Variants in ZUP1 observed in about 807,000 individuals in gnomAD.
ZUP1 encodes zinc finger-containing ubiquitin peptidase 1.
In ZUP1, 55 loss-of-function variants were observed where a neutral mutation model predicts 68.1. That is an observed-to-expected ratio of 0.81 (90% CI 0.65 to 1.01). ZUP1 has a LOEUF of 1.01. ZUP1 is among the 50% of genes least tolerant of loss of function. The pLI, the probability that ZUP1 is intolerant of heterozygous loss-of-function variation, is 0.00. For missense variants in ZUP1, 684 were observed against 674.9 expected (o/e 1.01, Z -0.15); for synonymous variants, 223 against 221.5 (o/e 1.01, Z -0.06).
chr6:116,658,002 A>C, intron 4 of ZUP1, among the ~76,000 whole-genome samples: 1 of 152,224 alleles, frequency 6.6e-6, no homozygotes. Context: ...CTGAGGCAGG[A>C]GAATCACTTG....
At chr6:116,647,376 AC>A (rs1210173431) in intron 8 of ZUP1, 82 bp downstream of exon 8, 54 of 1,252,958 alleles carry the variant, frequency 4.3e-5, no homozygotes, top group African/African-American at 9.1e-5. Flanking sequence ...AAACAAACAA[AC>A]AAAAAACCTT....
At position 116,656,984 on chromosome 6, in the gene ZUP1, A is replaced by G. The variant is rs928611066; in HGVS notation, c.793-132T>C. On this transcript the variant is annotated intron_variant, in intron 4 of 9. Coordinates refer to ENST00000368576, the MANE Select transcript of ZUP1 (RefSeq NM_145062.3). ...ATAGACTTTATACAAGTTAACTTAAAGATTTTTACAAAAACTAATAACACA... is the reference window on the plus strand; with the variant it reads ...ATAGACTTTATACAAGTTAACTTAAGGATTTTTACAAAAACTAATAACACA... 3 of 560,788 alleles carry G rather than the reference A, an allele frequency of 5.3e-6. No individual in the cohort carries two copies. In the African/African-American group the frequency reaches 6.1e-5, roughly 11 times the overall value. The allele number at this position is 560,788 out of a possible 1,614,324, so 34.7% of individuals were successfully genotyped here.
rs756643819 is a variant in ZUP1, at chr6:116,651,652, T to C, written c.1236A>G (p.Gln412=). 6.2e-7 allele frequency: 1 copy of C among 1,613,908 alleles called. No homozygotes were observed. Among genetic ancestry groups the C allele is most frequent in the Admixed American group, 1.7e-5 (1 of 60,012 alleles). ...KEGFDPQGAS[Q]LNNRLQGTKA... ...TTGTTCCCTGTAACCTGTTATTAAG[T>C]TGAGAGGCCCCCTGAGGATCAAAAC... The change falls in exon 7 of 10, where the codon CAA becomes CAG. Residue 412 remains glutamine, a synonymous_variant. Transcript: ENST00000368576.
chr6:116,652,216 A>G, intron 5 of ZUP1, 24 bp from the exon 6 acceptor site: 4 of 1,588,588 alleles, frequency 2.5e-6, no homozygotes, highest in Non-Finnish European at 3.4e-6. Flanking sequence ...GAGATTCAGA[A>G]GCAGTCATTA....
chr6:116,653,510 CA>C (rs1776575245), intron 5 of ZUP1, among the ~76,000 whole-genome samples: 1 of 151,804 alleles, frequency 6.6e-6, no homozygotes, highest in Non-Finnish European at 1.5e-5. Context: ...TTAAATGAAC[CA>C]ATAGTTGTAG....
At chr6:116,657,022 C>T (rs1026969740) in intron 4 of ZUP1, among the ~76,000 whole-genome samples, 170 bp from the exon 5 acceptor site, 1 of 90,184 alleles carries the variant, frequency 1.1e-5, no homozygotes, top group Non-Finnish European at 2.6e-5. Flanking sequence ...CACACACACA[C>T]ACAAAAAAAA....
chr6:116,649,742 T>C (rs1776422161), intron 7 of ZUP1, among the ~76,000 whole-genome samples: 1 of 152,182 alleles, frequency 6.6e-6, no homozygotes, highest in Non-Finnish European at 1.5e-5. Flanking sequence ...CCTTCCGCCT[T>C]CCACCTAAGA....
In ZUP1 at chr6:116,666,690, T is replaced by G; in HGVS notation, c.503A>C (p.Asp168Ala). 1 of 1,608,972 alleles carries G rather than the reference T, an allele frequency of 6.2e-7. No homozygotes were observed. Among genetic ancestry groups the G allele is most frequent in the Non-Finnish European group, 8.5e-7 (1 of 1,178,654 alleles). Residue 168 changes from aspartate to alanine, a missense_variant, in exon 2 of 10, where the codon GAT (aspartate) becomes GCT (alanine). Physicochemically the swap from Asp to Ala is moderately radical, Grantham distance 126 (BLOSUM62 -2). Transcript: ENST00000368576. The part of the protein sequence containing the change: ...FCGKIEEHSE[D>A]METHVKTKHA... The stretch of plus-strand genomic sequence containing the variant: ...CTTTGTTTTCACATGAGTTTCCATA[T>G]CTTCACTGTGCTCCTCTATTTTTCC...
At chr6:116,640,840 A>C (rs954511468) in intron 9 of ZUP1, among the ~76,000 whole-genome samples, 1 of 151,416 alleles carries the variant, frequency 6.6e-6, no homozygotes, top group African/African-American at 2.4e-5. Context: ...ACACAACAAT[A>C]TTAACTTTAA....
intron 6 of ZUP1, 30 bp from the exon 7 acceptor site, chr6:116,651,767 G>GT: frequency 6.2e-7 from 1 of 1,609,698 alleles, no homozygotes; most frequent in Non-Finnish European, 8.5e-7. Flanking sequence ...CATGTTACAT[G>GT]ACTGTTAATA....
chr6:116,651,113 A>C (rs913542032), intron 7 of ZUP1, among the ~76,000 whole-genome samples: 1 of 152,190 alleles, frequency 6.6e-6, no homozygotes, highest in Non-Finnish European at 1.5e-5. Context: ...TATTATAGTA[A>C]AAGAGAAAAG....
chr6:116,667,782 C>T (rs1027002332), intron 1 of ZUP1, among the ~76,000 whole-genome samples: 4 of 152,196 alleles, frequency 2.6e-5, no homozygotes, highest in East Asian at 1.9e-4. Flanking sequence ...ATGCCAACCC[C>T]GTCGTGCTCC....
chr6:116,647,852 A>G (rs1776360614), intron 7 of ZUP1, among the ~76,000 whole-genome samples: 1 of 152,198 alleles, frequency 6.6e-6, no homozygotes, highest in Non-Finnish European at 1.5e-5. Context: ...CTAGCTAACT[A>G]TTTAAATAAC....
intron 9 of ZUP1, 62 bp downstream of exon 9, chr6:116,645,652 A>G (rs1226274561): frequency 1.5e-6 from 2 of 1,291,462 alleles, no homozygotes; most frequent in African/African-American, 3.0e-5. Flanking sequence ...TTTTAAACTA[A>G]AAGTTTTAAA....
chr6:116,652,031 T>A lies in ZUP1; in HGVS notation c.1123A>T (p.Asn375Tyr), dbSNP rs1231374073. The change falls in exon 6 of 10, where the codon AAT (asparagine) becomes TAT (tyrosine). Residue 375 changes from asparagine to tyrosine, a missense_variant. Transcript: ENST00000368576. ...TTTAAGCAATCGTTGTAAGCATCATTTTGTAATAATGATGAAAGTAGCATT... is the reference window on the plus strand; with the variant it reads ...TTTAAGCAATCGTTGTAAGCATCATATTGTAATAATGATGAAAGTAGCATT... ...FQMLLSSLLQ[N>Y]DAYNDCLKGM... 1 of 1,613,940 alleles carries A rather than the reference T, an allele frequency of 6.2e-7. No individual in the cohort carries two copies. Among genetic ancestry groups the A allele is most frequent in the Non-Finnish European group, 8.5e-7 (1 of 1,179,850 alleles).
intron 3 of ZUP1, among the ~76,000 whole-genome samples, chr6:116,659,853 T>C (rs1776784311): frequency 6.6e-6 from 1 of 152,152 alleles, no homozygotes; most frequent in African/African-American, 2.4e-5. Flanking sequence ...CTTCCTTTCC[T>C]TTCAAAGTTC....
chr6:116,635,922 A>C (rs200837760), intron 9 of ZUP1, 43 bp from the exon 10 acceptor site: 1 of 1,321,772 alleles, frequency 7.6e-7, no homozygotes, highest in Non-Finnish European at 1.0e-6. Context: ...CTATAAGTCA[A>C]TTAATTAGAA....
intron 2 of ZUP1, among the ~76,000 whole-genome samples, chr6:116,662,804 TTCACCACTG>T (rs1247131913): frequency 1.3e-5 from 2 of 152,188 alleles, no homozygotes; most frequent in African/African-American, 4.8e-5. Context: ...TTTGCTCCCT[TTCACCACTG>T]TCAAACCTGT....
chr6:116,644,084 A>G lies in ZUP1; in HGVS notation c.1689+1630T>C, dbSNP rs568366890. Among the ~76,000 whole-genome samples, 3 of 152,394 alleles carry G rather than the reference A, an allele frequency of 2.0e-5. No individual in the cohort carries two copies. In the East Asian group the frequency reaches 5.8e-4, roughly 29 times the overall value. ...ATTTATGCAGCCAAAAGACTCATGA[A>G]AAAATGCTCATCATCACTGGCCATC... On this transcript the variant is annotated intron_variant, in intron 9 of 9. Coordinates refer to ENST00000368576, the MANE Select transcript of ZUP1 (RefSeq NM_145062.3).
Sources: allele counts gnomAD v4.1 joint callset (sites outside exome capture counted in the v4.1 genomes callset), GRCh38; gene constraint gnomAD v4.1.1; transcripts MANE v1.5; gene names NCBI Gene and HGNC (gene_info 2026-07-23, HGNC 2026-07-21).